SCP2: variants seen among roughly 807,000 people sequenced by gnomAD.
SCP2 encodes the protein SCP-2/3-oxoacyl-CoA thiolase.
In SCP2, 48 loss-of-function variants were observed where a neutral mutation model predicts 71.4. That is an observed-to-expected ratio of 0.67 (90% CI 0.53 to 0.86). The LOEUF (loss-of-function observed/expected upper bound fraction) is 0.86. SCP2 is among the 40% of genes least tolerant of loss of function. The pLI, the probability that SCP2 is intolerant of heterozygous loss-of-function variation, is 0.00. For synonymous variants in SCP2, 220 were observed against 218.1 expected, an observed-to-expected ratio of 1.01 and a Z score of -0.08; for missense variants, 560 against 655.6, an observed-to-expected ratio of 0.85 and a Z score of 1.59.
intron 14 of SCP2, among the ~76,000 whole-genome samples, chr1:53,047,114 T>C (rs184993110): frequency 4.7e-4 from 72 of 152,350 alleles, no homozygotes; most frequent in Middle Eastern, 6.8e-3. Context: ...TTGGGAATGA[T>C]AGCTTCCCTC....
chr1:53,016,568 T>G (rs1238919197), intron 12 of SCP2, among the ~76,000 whole-genome samples: 1 of 152,196 alleles, frequency 6.6e-6, no homozygotes, highest in Non-Finnish European at 1.5e-5. Flanking sequence ...ATGAAGAAAG[T>G]AAATTTGAAC....
At chr1:53,035,125 A>T (rs1662838221) in intron 13 of SCP2, among the ~76,000 whole-genome samples, 1 of 151,976 alleles carries the variant, frequency 6.6e-6, no homozygotes. Flanking sequence ...AAAAAAAATT[A>T]ATATGATACC....
At chr1:53,044,449 T>C (rs2150272469) in intron 14 of SCP2, among the ~76,000 whole-genome samples, 1 of 152,362 alleles carries the variant, frequency 6.6e-6, no homozygotes, top group South Asian at 2.1e-4. Flanking sequence ...AATCTATTAA[T>C]TTATTCAACA....
chr1:52,932,423 G>A lies in SCP2; in HGVS notation c.69+4958G>A, dbSNP rs571681648. Among the ~76,000 whole-genome samples, 3 of 152,218 alleles carry A rather than the reference G, an allele frequency of 2.0e-5. No individual in the cohort carries two copies. In the South Asian group the frequency reaches 6.2e-4, roughly 32 times the overall value. ...GGTAGAAAAAAATTTTTTAATGTAA[G>A]TGCTAAAAAATTAACTTCTTACACA... On this transcript the variant is annotated intron_variant, in intron 1 of 15. Transcript: ENST00000371514.
intron 1 of SCP2, among the ~76,000 whole-genome samples, chr1:52,936,255 A>G (rs1572044818): frequency 6.6e-6 from 1 of 152,222 alleles, no homozygotes. Flanking sequence ...TTTAAGTTCT[A>G]TTATGATAGC....
intron 11 of SCP2, among the ~76,000 whole-genome samples, chr1:53,011,162 G>T (rs935956677): frequency 6.6e-6 from 1 of 152,196 alleles, no homozygotes; most frequent in Non-Finnish European, 1.5e-5. Context: ...GGCTCTGATA[G>T]TAGAAAACCA....
intron 12 of SCP2, among the ~76,000 whole-genome samples, chr1:53,024,408 T>A (rs1018643291): frequency 2.0e-5 from 3 of 152,144 alleles, no homozygotes; most frequent in Non-Finnish European, 4.4e-5. Flanking sequence ...ACATTATGAC[T>A]GTATTTAATA....
chr1:53,010,191 TA>T (rs2150222235), intron 11 of SCP2, among the ~76,000 whole-genome samples: 1 of 152,312 alleles, frequency 6.6e-6, no homozygotes, highest in East Asian at 1.9e-4. Context: ...GACTGTAAAC[TA>T]GTTCAACCAT....
chr1:53,047,267 G>A (rs1663880451), intron 14 of SCP2, among the ~76,000 whole-genome samples: 1 of 152,192 alleles, frequency 6.6e-6, no homozygotes. Context: ...TGCTAGCAAG[G>A]TAGAATCATT....
intron 1 of SCP2, among the ~76,000 whole-genome samples, chr1:52,928,473 A>T (rs1192584624): frequency 1.3e-5 from 2 of 152,218 alleles, no homozygotes; most frequent in Non-Finnish European, 2.9e-5. Context: ...GGCTGAGCGT[A>T]CCTAATTCAG....
Position 53,050,742 on chromosome 1 carries a change from A to T in SCP2, c.*38A>T. 1.7e-6 allele frequency: 2 copies of T among 1,209,190 alleles called. No individual in the cohort carries two copies. The highest frequency in any genetic ancestry group is 4.7e-5 in the East Asian group (2 of 42,988). 74.9% of individuals were successfully genotyped at this position (1,209,190 alleles called of 1,614,324 possible). On this transcript the variant is annotated 3_prime_UTR_variant, in exon 16 of 16. Transcript: ENST00000371514. ...GGCTACTTTTGAAAATCAAGATGAGATATATAGATATATATCCATACATTT... is the reference window on the plus strand; with the variant it reads ...GGCTACTTTTGAAAATCAAGATGAGTTATATAGATATATATCCATACATTT...
At chr1:53,017,952 G>A (rs1289873967) in intron 12 of SCP2, among the ~76,000 whole-genome samples, 1 of 152,058 alleles carries the variant, frequency 6.6e-6, no homozygotes, top group Non-Finnish European at 1.5e-5. Flanking sequence ...CCTCCCAGGT[G>A]CAAGTGATTC....
At chr1:52,979,238 C>T (rs1658251067) in intron 9 of SCP2, among the ~76,000 whole-genome samples, 1 of 152,088 alleles carries the variant, frequency 6.6e-6, no homozygotes, top group South Asian at 2.1e-4. Flanking sequence ...GTGGTGCGAT[C>T]ATAGCTCACT....
intron 11 of SCP2, among the ~76,000 whole-genome samples, chr1:52,997,624 A>T (rs1261456859): frequency 3.3e-5 from 5 of 152,224 alleles, no homozygotes. Context: ...GTTGCTTAGG[A>T]CTAGGGAACA....
intron 11 of SCP2, among the ~76,000 whole-genome samples, chr1:53,007,169 C>G (rs535522126): frequency 6.6e-6 from 1 of 152,144 alleles, no homozygotes; most frequent in African/African-American, 2.4e-5. Flanking sequence ...TAGACTCCCA[C>G]ACAATAATAA....
intron 7 of SCP2, among the ~76,000 whole-genome samples, chr1:52,975,822 C>T (rs528346121): frequency 2.6e-5 from 4 of 152,224 alleles, no homozygotes; most frequent in East Asian, 1.9e-4. Context: ...TGGCATGAAG[C>T]GCCTAGGAGT....
chr1:52,993,461 C>T (rs186801373), intron 11 of SCP2: 272 of 1,614,024 alleles, frequency 1.7e-4, no homozygotes, highest in African/African-American at 9.7e-4. Flanking sequence ...GAACTCATCA[C>T]GATCCTTTAC....
chr1:52,993,434 C>T, intron 11 of SCP2: 2 of 1,614,152 alleles, frequency 1.2e-6, no homozygotes, highest in Admixed American at 1.7e-5. Flanking sequence ...TGCTTTATTA[C>T]CAATTAAAAT....
chr1:53,042,556 A>G (rs1279837253), intron 14 of SCP2, among the ~76,000 whole-genome samples: 1 of 152,170 alleles, frequency 6.6e-6, no homozygotes, highest in African/African-American at 2.4e-5. Flanking sequence ...GCTGAAACTG[A>G]CACTTATTGG....
Sources: allele counts gnomAD v4.1 joint callset (sites outside exome capture counted in the v4.1 genomes callset), GRCh38; gene constraint gnomAD v4.1.1; transcripts MANE v1.5; gene names NCBI Gene and HGNC (gene_info 2026-07-23, HGNC 2026-07-21).